Variants in PREX2 observed in about 807,000 individuals in gnomAD.
PREX2 encodes the protein phosphatidylinositol 3,4,5-trisphosphate-dependent Rac exchanger 2 protein.
Under a neutral mutation model 203.2 loss-of-function variants are expected in PREX2, and 107 were observed. That is an observed-to-expected ratio of 0.53 (90% CI 0.45 to 0.62). PREX2 has a LOEUF of 0.62. Among genes scored for constraint, PREX2 ranks in the 20% least tolerant of loss-of-function variants. The probability of loss-of-function intolerance (pLI) is 0.00; values close to 1 mark genes in which losing one functional copy is unlikely to be tolerated. For synonymous variants in PREX2, 672 were observed against 663.6 expected (o/e 1.01, Z -0.19); for missense variants, 1,777 against 1,955.9 (o/e 0.91, Z 1.72).
At chr8:68,131,795 C>CAT (rs2129613349) in intron 31 of PREX2, among the ~76,000 whole-genome samples, 1 of 152,134 alleles carries the variant, frequency 6.6e-6, no homozygotes, top group African/African-American at 2.4e-5. Context: ...TGAAAGCTTA[C>CAT]AGTGCAGATC....
At position 68,080,892 on chromosome 8, in the gene PREX2, G is replaced by A. The variant is rs761317195; in HGVS notation, c.1878+54G>A. The A allele has an allele frequency of 7.8e-5, 79 of 1,009,218 alleles. 1 individual carries two copies. Among genetic ancestry groups the A allele is most frequent in the Admixed American group, 7.4e-4 (35 of 47,216 alleles). The allele number at this position is 1,009,218 out of a possible 1,614,324, so 62.5% of individuals were successfully genotyped here. A position where few individuals can be genotyped will look rare whatever the true frequency, so the allele number is the denominator to read the frequency against. ...TTTGTTATCATGACATAAAAATAGA[G>A]AAATTCTAAACAAACTGAAATCTGC... On this transcript the variant is annotated intron_variant, in intron 17 of 39. Coordinates refer to ENST00000288368, the MANE Select transcript of PREX2 (RefSeq NM_024870.4).
chr8:68,120,308 A>G, intron 29 of PREX2, 22 bp downstream of exon 29: 1 of 1,549,442 alleles, frequency 6.5e-7, no homozygotes, highest in Non-Finnish European at 8.9e-7. Flanking sequence ...AAAATTAACT[A>G]GTAGAAGCAA....
chr8:68,112,245 A>G (rs1289546689), intron 25 of PREX2, among the ~76,000 whole-genome samples: 2 of 152,226 alleles, frequency 1.3e-5, no homozygotes, highest in Non-Finnish European at 2.9e-5. Context: ...TTGCCCTGCA[A>G]TGGGCTATTT....
chr8:68,003,842 CTTTTTTTTT>C (rs148890144), intron 1 of PREX2, among the ~76,000 whole-genome samples: 4 of 90,622 alleles, frequency 4.4e-5, no homozygotes, highest in African/African-American at 1.7e-4. Context: ...CTGGCCTGAC[CTTTTTTTTT>C]TTTTTTTTTT....
chr8:67,953,270 C>T (rs779027215), intron 1 of PREX2, among the ~76,000 whole-genome samples: 10 of 149,094 alleles, frequency 6.7e-5, no homozygotes, highest in East Asian at 2.0e-4. Context: ...AGCTTCGGGA[C>T]TTCGTGGAAG....
intron 33 of PREX2, among the ~76,000 whole-genome samples, chr8:68,141,276 T>G (rs1174127997): frequency 6.6e-6 from 1 of 152,142 alleles, no homozygotes; most frequent in Non-Finnish European, 1.5e-5. Flanking sequence ...TTTTCAATGG[T>G]CATATGGGTC....
In PREX2 at chr8:68,235,684, T is replaced by G. The variant is rs186228635; in HGVS notation, c.*4306T>G. 6.6e-6 allele frequency: 1 copy of G among 152,244 alleles called. No individual in the cohort carries two copies. Among genetic ancestry groups the G allele is most frequent in the Admixed American group, 6.5e-5 (1 of 15,276 alleles). 9.4% of individuals were successfully genotyped at this position (152,244 alleles called of 1,614,324 possible). A position where few individuals can be genotyped will look rare whatever the true frequency, so the allele number is the denominator to read the frequency against. On this transcript the variant is annotated 3_prime_UTR_variant, in exon 40 of 40. Transcript: ENST00000288368. ...TGTACCAAAAATGGCCCCAGGATATTCCATTGAACAAATATTGACCATTAT... is the reference window on the plus strand; with the variant it reads ...TGTACCAAAAATGGCCCCAGGATATGCCATTGAACAAATATTGACCATTAT...
At chr8:68,140,104 A>T (rs1811197760) in intron 33 of PREX2, among the ~76,000 whole-genome samples, 1 of 152,208 alleles carries the variant, frequency 6.6e-6, no homozygotes, top group Admixed American at 6.5e-5. Flanking sequence ...AAGAACCAAT[A>T]TCATAAGCTT....
At chr8:68,054,681 C>G (rs1200264953) in intron 9 of PREX2, among the ~76,000 whole-genome samples, 1 of 152,180 alleles carries the variant, frequency 6.6e-6, no homozygotes, top group Non-Finnish European at 1.5e-5. Flanking sequence ...GTTATCTATT[C>G]CATCAGATTA....
At chr8:67,964,927 T>G (rs1168969404) in intron 1 of PREX2, among the ~76,000 whole-genome samples, 2 of 152,222 alleles carry the variant, frequency 1.3e-5, no homozygotes, top group African/African-American at 2.4e-5. Context: ...TCTTCCAAGA[T>G]GTTCTGCTGA....
chr8:68,071,041 C>A (rs1160882274), intron 13 of PREX2, among the ~76,000 whole-genome samples: 1 of 152,106 alleles, frequency 6.6e-6, no homozygotes, highest in Non-Finnish European at 1.5e-5. Context: ...CTTAAATATT[C>A]TTTTCTGCTA....
chr8:68,152,495 C>A (rs1811460805), intron 34 of PREX2, among the ~76,000 whole-genome samples: 1 of 152,022 alleles, frequency 6.6e-6, no homozygotes, highest in Non-Finnish European at 1.5e-5. Flanking sequence ...TGTGCCAGCT[C>A]CTATTGGAGG....
At chr8:68,086,688 G>T (rs1419490967) in intron 18 of PREX2, among the ~76,000 whole-genome samples, 1 of 151,794 alleles carries the variant, frequency 6.6e-6, no homozygotes, top group African/African-American at 2.4e-5. Flanking sequence ...TGCCAAATTG[G>T]ACACCCCTGA....
At chr8:67,975,961 C>A (rs2129608992) in intron 1 of PREX2, among the ~76,000 whole-genome samples, 1 of 151,608 alleles carries the variant, frequency 6.6e-6, no homozygotes. Flanking sequence ...GGTGATCCAC[C>A]TACCTTGGCC....
chr8:68,213,535 A>T (rs1812780616), intron 37 of PREX2, among the ~76,000 whole-genome samples: 2 of 152,220 alleles, frequency 1.3e-5, no homozygotes, highest in African/African-American at 4.8e-5. Context: ...GCAATAAAAT[A>T]TATTTTAATA....
intron 1 of PREX2, among the ~76,000 whole-genome samples, chr8:67,987,293 G>C (rs1806463137): frequency 6.6e-6 from 1 of 151,856 alleles, no homozygotes; most frequent in African/African-American, 2.4e-5. Context: ...AAGCTAGCAA[G>C]GTATTTGGCT....
chr8:68,087,621 C>T, intron 18 of PREX2, 103 bp from the exon 19 acceptor site: 1 of 857,018 alleles, frequency 1.2e-6, no homozygotes, highest in Non-Finnish European at 2.0e-6. Context: ...CACTGTAGAT[C>T]CTCAATATGT....
rs560726234 is a variant in PREX2 at position 68,127,264 on chromosome 8, C to G, written c.3725-114C>G. 4 of 741,796 alleles carry G rather than the reference C, an allele frequency of 5.4e-6. No individual in the cohort carries two copies. In the African/African-American group the frequency reaches 7.3e-5, roughly 14 times the overall value. The allele number at this position is 741,796 out of a possible 1,614,324, so 46.0% of individuals were successfully genotyped here. On this transcript the variant is annotated intron_variant, in intron 30 of 39. Transcript: ENST00000288368. ...GAAAGTAATGGCAAAACCACAACTA[C>G]TTTTGCATGAACCTAGTCCAATAAG...
intron 38 of PREX2, among the ~76,000 whole-genome samples, chr8:68,223,036 G>C (rs999388378): frequency 2.0e-5 from 3 of 152,218 alleles, no homozygotes; most frequent in African/African-American, 7.2e-5. Flanking sequence ...AGACAGGTAA[G>C]CGAAAGGCAA....
Sources: gnomAD v4.1 joint callset for allele counts (sites outside exome capture counted in the v4.1 genomes callset) on GRCh38, gnomAD v4.1.1 for gene constraint, MANE v1.5 for transcripts, NCBI Gene and HGNC (gene_info 2026-07-23, HGNC 2026-07-21) for gene names.